Variants in HIF3A observed in about 807,000 individuals in gnomAD.
HIF3A encodes the protein hypoxia inducible factor 3 subunit alpha, also known as hypoxia-inducible factor 3-alpha.
Under a neutral mutation model 67.2 loss-of-function variants are expected in HIF3A, and 41 were observed. The ratio of observed to expected loss-of-function variants is 0.61; its 90% confidence interval spans 0.48 to 0.79. HIF3A has a LOEUF of 0.79. Ranked by LOEUF, HIF3A falls within the 30% of genes least tolerant of loss-of-function variation. The probability of loss-of-function intolerance (pLI) is 0.00; values close to 1 mark genes in which losing one functional copy is unlikely to be tolerated. For synonymous variants in HIF3A, 356 were observed against 374.8 expected, an observed-to-expected ratio of 0.95 and a Z score of 0.58; for missense variants, 855 against 898.0, an observed-to-expected ratio of 0.95 and a Z score of 0.61.
Position 46,339,930 on chromosome 19 carries a change from T to G in HIF3A, c.*308T>G. ...TCATTATCCCTTTCTCTGCCTCTCT[T>G]GGCTTTATTTTGGGGAATCAGGGGT... is the stretch of plus-strand genomic sequence containing the variant. On this transcript the variant is annotated 3_prime_UTR_variant, in exon 15 of 15. Coordinates refer to ENST00000377670, the MANE Select transcript of HIF3A (RefSeq NM_152795.4). 3.4e-6 allele frequency: 1 copy of G among 292,510 alleles called. No individual in the cohort carries two copies. Among genetic ancestry groups the G allele is most frequent in the Non-Finnish European group, 6.3e-6 (1 of 159,138 alleles). 18.1% of individuals were successfully genotyped at this position (292,510 alleles called of 1,614,324 possible). A position where few individuals can be genotyped will look rare whatever the true frequency, so the allele number is the denominator to read the frequency against.
At chr19:46,336,480 A>G (rs1302487169) in intron 14 of HIF3A, among the ~76,000 whole-genome samples, 1 of 151,448 alleles carries the variant, frequency 6.6e-6, no homozygotes, top group Non-Finnish European at 1.5e-5. Context: ...CGATCCTCCC[A>G]CCTCAGCCTC....
chr19:46,298,234 C>T, intron 1 of HIF3A: 1 of 368,564 alleles, frequency 2.7e-6, no homozygotes, highest in Non-Finnish European at 5.3e-6. Context: ...CTGTCCCCTA[C>T]TCTATTCCAG....
Position 46,342,945 on chromosome 19 carries a change from T to A in HIF3A, c.*3323T>A, listed in dbSNP as rs1360580858. On this transcript the variant is annotated 3_prime_UTR_variant, in exon 15 of 15. Transcript: ENST00000377670. Reference sequence around the variant, plus strand: ...CAGCCCTCCAGACATGCACTTACCTTGACTTTACCCCACATGTTTGGGGCA... The same window carrying A: ...CAGCCCTCCAGACATGCACTTACCTAGACTTTACCCCACATGTTTGGGGCA... The A allele has an allele frequency of 6.6e-6, 1 of 152,426 alleles. No homozygotes were observed. Among genetic ancestry groups the A allele is most frequent in the African/African-American group, 2.4e-5 (1 of 41,430 alleles). The allele number at this position is 152,426 out of a possible 1,614,324, so 9.4% of individuals were successfully genotyped here.
At chr19:46,298,216 C>CCTCTCCCCTGTCCCCTACT in intron 1 of HIF3A, 1 of 326,820 alleles carries the variant, frequency 3.1e-6, no homozygotes, top group South Asian at 2.2e-5. Flanking sequence ...CCGCCCCCAT[C>CCTCTCCCCTGTCCCCTACT]CTCTCCCCTG....
intron 10 of HIF3A, among the ~76,000 whole-genome samples, 166 bp downstream of exon 10, chr19:46,322,132 A>G (rs1005904212): frequency 6.6e-6 from 1 of 152,202 alleles, no homozygotes; most frequent in African/African-American, 2.4e-5. Context: ...ACGCAGATCC[A>G]GATTTTTCAA....
At chr19:46,308,827 C>A (rs1453158804) in intron 5 of HIF3A, 52 bp downstream of exon 5, 4 of 1,248,902 alleles carry the variant, frequency 3.2e-6, no homozygotes, top group South Asian at 2.7e-5. Context: ...TGGGTGTGAG[C>A]CCTGAAAGAT....
chr19:46,329,082 T>A, intron 11 of HIF3A, 125 bp from the exon 12 acceptor site: 1 of 884,110 alleles, frequency 1.1e-6, no homozygotes, highest in Non-Finnish European at 1.7e-6. Context: ...ATTTTACAGA[T>A]GAGGAAACTG....
chr19:46,304,139 A>C, intron 2 of HIF3A, 51 bp downstream of exon 2: 1 of 1,475,602 alleles, frequency 6.8e-7, no homozygotes, highest in Non-Finnish European at 9.2e-7. Context: ...CGCCCACGGA[A>C]AAAAACTACA....
At chr19:46,336,521 G>A (rs1971634168) in intron 14 of HIF3A, among the ~76,000 whole-genome samples, 1 of 152,066 alleles carries the variant, frequency 6.6e-6, no homozygotes, top group African/African-American at 2.4e-5. Context: ...GTGGGCACCA[G>A]CACACTTGAC....
At chr19:46,335,885 T>G (rs1451492178) in intron 14 of HIF3A, among the ~76,000 whole-genome samples, 1 of 151,654 alleles carries the variant, frequency 6.6e-6, no homozygotes, top group African/African-American at 2.4e-5. Context: ...CAAAAAATTT[T>G]TAAAAACCTG....
intron 13 of HIF3A, among the ~76,000 whole-genome samples, chr19:46,333,765 C>T (rs1971406028): frequency 6.8e-6 from 1 of 148,012 alleles, no homozygotes; most frequent in Admixed American, 6.7e-5. Flanking sequence ...CTTTTCTTTT[C>T]CTTTCCTTTC....
chr19:46,307,664 C>T (rs902249716), intron 3 of HIF3A, among the ~76,000 whole-genome samples: 1 of 151,006 alleles, frequency 6.6e-6, no homozygotes, highest in Non-Finnish European at 1.5e-5. Flanking sequence ...GGGAGAATCA[C>T]TTGAACCAGG....
At chr19:46,306,802 G>T (rs1478632274) in intron 3 of HIF3A, among the ~76,000 whole-genome samples, 2 of 152,172 alleles carry the variant, frequency 1.3e-5, no homozygotes. Context: ...GCACAGCCAG[G>T]ATTTGACTCC....
At chr19:46,303,478 A>G (rs989118136) in intron 1 of HIF3A, 12 of 657,580 alleles carry the variant, frequency 1.8e-5, no homozygotes, top group Non-Finnish European at 2.9e-5. Flanking sequence ...GGGGCCTGGG[A>G]GGCTGTAGGC....
At chr19:46,335,700 CA>C (rs1260658048) in intron 14 of HIF3A, among the ~76,000 whole-genome samples, 8 of 151,290 alleles carry the variant, frequency 5.3e-5, no homozygotes, top group African/African-American at 1.9e-4. Context: ...GGTGCCACTG[CA>C]TTCCAGTCTG....
In HIF3A at chr19:46,309,214, A is replaced by G. The variant is rs1201269395; in HGVS notation, c.625A>G (p.Ser209Gly). The change falls in exon 6 of 15, where the codon AGC becomes GGC. Residue 209 changes from serine (S) to glycine (G), a missense_variant. Physicochemically the swap from Ser to Gly is moderately conservative, Grantham distance 56. Coordinates refer to ENST00000377670, the MANE Select transcript of HIF3A (RefSeq NM_152795.4). ...ACCTGCGCAGACTTCTCCAGCTGGG[A>G]GCCCTGACTCAGAGCCCCCGCTGCA... ...KPPAQTSPAG[S>G]PDSEPPLQCL... is the part of the protein sequence containing the mutation. 6.2e-7 allele frequency: 1 copy of G among 1,613,938 alleles called. No individual in the cohort carries two copies. Among genetic ancestry groups the G allele is most frequent in the Non-Finnish European group, 8.5e-7 (1 of 1,179,984 alleles).
chr19:46,322,877 G>C (rs1026864538), intron 10 of HIF3A, among the ~76,000 whole-genome samples: 2 of 152,142 alleles, frequency 1.3e-5, no homozygotes, highest in Non-Finnish European at 2.9e-5. Flanking sequence ...AGGAATGTAG[G>C]GTTTCGGAGC....
rs897592568 is a variant in HIF3A at position 46,315,192 on chromosome 19, G to C, written c.1025+2539G>C. ...AGTGATTCTCCTGCCTCAGCCTCCT[G>C]AGTGGCTGGGATTATAGGCGCGCAC... On this transcript the variant is annotated intron_variant, in intron 8 of 14. Transcript: ENST00000377670. Among the ~76,000 whole-genome samples the C allele has an allele frequency of 3.4e-5, 5 of 146,096 alleles. 1 individual carries two copies. Among genetic ancestry groups the C allele is most frequent in the Non-Finnish European group, 7.5e-5 (5 of 66,678 alleles).
chr19:46,325,366 G>C (rs918845691), intron 10 of HIF3A, among the ~76,000 whole-genome samples, 169 bp from the exon 11 acceptor site: 1 of 152,032 alleles, frequency 6.6e-6, no homozygotes, highest in African/African-American at 2.4e-5. Flanking sequence ...GGCATTCTGA[G>C]TTTTGAACAC....
Sources: allele counts gnomAD v4.1 joint callset (sites outside exome capture counted in the v4.1 genomes callset), GRCh38; gene constraint gnomAD v4.1.1; transcripts MANE v1.5; gene names NCBI Gene and HGNC (gene_info 2026-07-23, HGNC 2026-07-21).